Variants in RFPL1 observed in about 807,000 individuals in gnomAD.
RFPL1 encodes ret finger protein-like 1.
RFPL1 carries 6 observed loss-of-function variants against 9.6 expected under a neutral mutation model. The observed-to-expected ratio is 0.62, with a 90% CI of 0.34 to 1.23. The LOEUF is 1.23. RFPL1 is among the 50% of genes most tolerant of loss of function. The pLI, the probability that RFPL1 is intolerant of heterozygous loss-of-function variation, is 0.03. For synonymous variants in RFPL1, 145 were observed against 149.4 expected (o/e 0.97, Z 0.22); for missense variants, 352 against 398.4 (o/e 0.88, Z 0.99).
the RFPL1 span, among the ~76,000 whole-genome samples, chr22:29,401,142 T>C: frequency 2.0e-5 from 3 of 152,234 alleles, no homozygotes; most frequent in Admixed American, 6.5e-5. Flanking sequence ...TCAATTGTAT[T>C]GTATATGCTG....
At position 29,439,160 on chromosome 22, in the gene RFPL1, C is replaced by G. The variant is rs771021973; in HGVS notation, c.369C>G (p.Phe123Leu). The change falls in exon 1 of 2, where the codon TTC becomes TTG. Residue 123 changes from phenylalanine to leucine, a missense_variant. By Grantham distance (22) the Phe-to-Leu change is conservative. Transcript: ENST00000354373. ...AGATGAACCCAAGGATGCGGAAGTT[C>G]CAAGGTGAGGGATCTGTATACACTG... 1.9e-6 allele frequency: 3 copies of G among 1,613,608 alleles called. No individual in the cohort carries two copies. The African/African-American group carries it at 4.0e-5, about 22-fold the overall frequency.
chr22:29,441,041 A>G, intron 1 of RFPL1: 1 of 156,476 alleles, frequency 6.4e-6, no homozygotes, highest in Admixed American at 6.2e-5. Context: ...CTGTCATCAC[A>G]TTGTCAGCTG....
the RFPL1 span, among the ~76,000 whole-genome samples, chr22:29,399,140 TTAAAG>T: frequency 1.3e-5 from 2 of 152,212 alleles, no homozygotes; most frequent in African/African-American, 4.8e-5. Flanking sequence ...CTTCATAGAA[TTAAAG>T]TATTGATTAA....
At chr22:29,428,186 G>A in the RFPL1 span, among the ~76,000 whole-genome samples, 1 of 152,100 alleles carries the variant, frequency 6.6e-6, no homozygotes, top group Non-Finnish European at 1.5e-5. Flanking sequence ...AAAAACGAAA[G>A]GTTCACCAAA....
At chr22:29,395,771 C>T in the RFPL1 span, among the ~76,000 whole-genome samples, 1 of 151,970 alleles carries the variant, frequency 6.6e-6, no homozygotes, top group South Asian at 2.1e-4. Flanking sequence ...TCAGGAGTTC[C>T]AGACCAGCCT....
intron 1 of RFPL1, chr22:29,441,209 C>CA (rs66661308): frequency 0.16 from 51,162 of 325,746 alleles, 4,614 homozygotes; most frequent in African/African-American, 0.19. Context: ...TCTTAATTAT[C>CA]ATTCATTTTT....
At chr22:29,405,358 G>A in the RFPL1 span, among the ~76,000 whole-genome samples, 1 of 152,132 alleles carries the variant, frequency 6.6e-6, no homozygotes, top group Admixed American at 6.6e-5. Flanking sequence ...TCACCTGATG[G>A]GTGATTTAGG....
At chr22:29,391,719 G>C in the RFPL1 span, among the ~76,000 whole-genome samples, 1 of 152,204 alleles carries the variant, frequency 6.6e-6, no homozygotes, top group African/African-American at 2.4e-5. Flanking sequence ...TGAGAGAGAA[G>C]GAAAGGGTAA....
the RFPL1 span, among the ~76,000 whole-genome samples, chr22:29,427,399 C>A: frequency 6.6e-6 from 1 of 152,184 alleles, no homozygotes; most frequent in African/African-American, 2.4e-5. Context: ...CCTGTTCCTG[C>A]CTGTAGCCCT....
At chr22:29,397,011 A>G in the RFPL1 span, among the ~76,000 whole-genome samples, 1 of 138,058 alleles carries the variant, frequency 7.2e-6, no homozygotes, top group Non-Finnish European at 1.5e-5. Context: ...GGTTCACGCC[A>G]TTCTCCTGCC....
chr22:29,392,227 C>T, the RFPL1 span, among the ~76,000 whole-genome samples: 1 of 150,440 alleles, frequency 6.6e-6, no homozygotes, highest in Non-Finnish European at 1.5e-5. Context: ...TTACAGGCGC[C>T]CACCACCAAA....
chr22:29,430,490 T>A, the RFPL1 span, among the ~76,000 whole-genome samples: 1 of 152,166 alleles, frequency 6.6e-6, no homozygotes, highest in Non-Finnish European at 1.5e-5. Context: ...TTATCAAAGT[T>A]TTTAAAAATC....
At chr22:29,438,814 C>T (rs780352158) in exon 1 of RFPL1, 5 of 1,613,782 alleles carry the variant, frequency 3.1e-6, no homozygotes, top group Non-Finnish European at 4.2e-6. Flanking sequence ...TCACTTGTCA[C>T]AACTAACAGG....
At chr22:29,420,703 C>A in the RFPL1 span, among the ~76,000 whole-genome samples, 1 of 133,380 alleles carries the variant, frequency 7.5e-6, no homozygotes, top group Admixed American at 8.9e-5. Flanking sequence ...TGCAACGGTG[C>A]GATCTCGGCT....
chr22:29,439,268 C>T (rs930832147), intron 1 of RFPL1, 104 bp downstream of exon 1: 12 of 1,440,342 alleles, frequency 8.3e-6, no homozygotes, highest in Non-Finnish European at 2.8e-6. Flanking sequence ...CTGTCTGGCA[C>T]CTAAAATTGA....
the RFPL1 span, among the ~76,000 whole-genome samples, chr22:29,418,053 C>T: frequency 2.6e-5 from 4 of 151,470 alleles, no homozygotes; most frequent in African/African-American, 9.7e-5. Flanking sequence ...GTCTCAGCCT[C>T]CTGAGCAGCT....
chr22:29,420,329 C>T, the RFPL1 span, among the ~76,000 whole-genome samples: 2 of 152,206 alleles, frequency 1.3e-5, no homozygotes, highest in Non-Finnish European at 2.9e-5. Context: ...CATTTCCTGA[C>T]CCCTTCTCTC....
the RFPL1 span, among the ~76,000 whole-genome samples, chr22:29,391,980 A>G: frequency 1.3e-5 from 2 of 152,286 alleles, no homozygotes; most frequent in Admixed American, 1.3e-4. Context: ...GTGAGAGGGG[A>G]CATACTGGGA....
the RFPL1 span, among the ~76,000 whole-genome samples, chr22:29,420,312 C>T: frequency 6.6e-6 from 1 of 152,212 alleles, no homozygotes; most frequent in African/African-American, 2.4e-5. Context: ...GTTAGGAGGG[C>T]AGATGTCATT....
Sources: gnomAD v4.1 joint callset for allele counts (sites outside exome capture counted in the v4.1 genomes callset) on GRCh38, gnomAD v4.1.1 for gene constraint, MANE v1.5 for transcripts, NCBI Gene and HGNC (gene_info 2026-07-23, HGNC 2026-07-21) for gene names.